The following RASGEF1A variants were observed in gnomAD, a reference collection of about 807,000 sequenced individuals.
RASGEF1A encodes ras-GEF domain-containing family member 1A.
In RASGEF1A, 18 loss-of-function variants were observed where a neutral mutation model predicts 56.4. That is an observed-to-expected ratio of 0.32 (90% CI 0.22 to 0.47). RASGEF1A has a LOEUF of 0.47. Ranked by LOEUF, RASGEF1A falls within the 20% of genes least tolerant of loss-of-function variation. The pLI, the probability that RASGEF1A is intolerant of heterozygous loss-of-function variation, is 1.00. For missense variants in RASGEF1A, 422 were observed against 627.1 expected, an observed-to-expected ratio of 0.67 and a Z score of 3.49; for synonymous variants, 245 against 242.6, an observed-to-expected ratio of 1.01 and a Z score of -0.09.
chr10:43,229,520 C>A, intron 1 of RASGEF1A: 1 of 826,482 alleles, frequency 1.2e-6, no homozygotes, highest in Non-Finnish European at 1.8e-6. Context: ...CGCGGGTCCT[C>A]AGGGCGGGCA....
intron 1 of RASGEF1A, chr10:43,209,319 G>T: frequency 1.6e-6 from 1 of 640,534 alleles, no homozygotes; most frequent in Non-Finnish European, 1.9e-6. Flanking sequence ...GTGAGTACCT[G>T]CCCCAGGTCA....
chr10:43,224,292 A>G (rs1260871552), intron 1 of RASGEF1A, among the ~76,000 whole-genome samples: 4 of 133,706 alleles, frequency 3.0e-5, no homozygotes, highest in Non-Finnish European at 4.5e-5. Flanking sequence ...AATGTGACAA[A>G]TATGTCTCCT....
At chr10:43,245,135 G>C (rs1205523438) in intron 1 of RASGEF1A, among the ~76,000 whole-genome samples, 1 of 152,084 alleles carries the variant, frequency 6.6e-6, no homozygotes, top group African/African-American at 2.4e-5. Flanking sequence ...CAGCTTTACA[G>C]AAATAAAAAG....
At chr10:43,242,689 C>T (rs913703948) in intron 1 of RASGEF1A, among the ~76,000 whole-genome samples, 1 of 152,226 alleles carries the variant, frequency 6.6e-6, no homozygotes, top group Non-Finnish European at 1.5e-5. Context: ...CGCGCCGCCA[C>T]TCTTGACTGG....
intron 1 of RASGEF1A, among the ~76,000 whole-genome samples, chr10:43,237,078 G>A (rs1840439688): frequency 1.3e-5 from 2 of 152,124 alleles, no homozygotes; most frequent in Admixed American, 1.3e-4. Context: ...GCCTTATAGA[G>A]GGTCTTGGGA....
intron 1 of RASGEF1A, among the ~76,000 whole-genome samples, chr10:43,237,329 G>C (rs1840442724): frequency 6.6e-6 from 1 of 151,966 alleles, no homozygotes; most frequent in South Asian, 2.1e-4. Context: ...GAGGCTCCTA[G>C]TCTGTTCTCC....
At chr10:43,258,751 C>T (rs758739841) in intron 1 of RASGEF1A, among the ~76,000 whole-genome samples, 2 of 152,274 alleles carry the variant, frequency 1.3e-5, no homozygotes, top group Non-Finnish European at 2.9e-5. Context: ...CATCCACCCA[C>T]TCAGCACAGC....
intron 1 of RASGEF1A, among the ~76,000 whole-genome samples, chr10:43,238,282 G>C (rs1052020704): frequency 6.6e-6 from 1 of 151,982 alleles, no homozygotes. Flanking sequence ...TGCCTTCGGG[G>C]GTGTTGTATC....
rs76019957 is a variant in RASGEF1A, at chr10:43,251,621, G to A, written c.-7+15224C>T. The stretch of plus-strand genomic sequence containing the variant: ...AGCCCACACCACCTCACCTCCAGAC[G>A]CAGTCAGGGGTGGCACAGTCCTGTT... On this transcript the variant is annotated intron_variant, in intron 1 of 12. Coordinates refer to ENST00000395810, the MANE Select transcript of RASGEF1A (RefSeq NM_145313.4). Among the ~76,000 whole-genome samples, 1,250 of 152,284 alleles carry A rather than the reference G, an allele frequency of 8.2e-3. 51 individuals carry two copies. In the East Asian group the frequency reaches 0.095, roughly 12 times the overall value.
At chr10:43,253,840 G>A (rs77170009) in intron 1 of RASGEF1A, among the ~76,000 whole-genome samples, 6,817 of 152,360 alleles carry the variant, frequency 0.045, 177 homozygotes, top group South Asian at 0.088. Context: ...AGCATGTGGT[G>A]CGGAAGCAGC....
At chr10:43,243,368 G>C (rs1329154109) in intron 1 of RASGEF1A, among the ~76,000 whole-genome samples, 1 of 149,676 alleles carries the variant, frequency 6.7e-6, no homozygotes, top group Non-Finnish European at 1.5e-5. Context: ...CCTCTGCCCA[G>C]CTGCCCCGTC....
Position 43,237,213 on chromosome 10 carries a change from G to T in RASGEF1A, c.-7+29632C>A, listed in dbSNP as rs151179221. On this transcript the variant is annotated intron_variant, in intron 1 of 12. Transcript: ENST00000395810. ...TGTGAGGGGGTCTTGGGGCCAGCCTGCTCTATGGAAATTGGAGGCACCAGT... is the reference window on the plus strand; with the variant it reads ...TGTGAGGGGGTCTTGGGGCCAGCCTTCTCTATGGAAATTGGAGGCACCAGT... 5.7e-4 allele frequency among the ~76,000 whole-genome samples: 87 copies of T among 152,214 alleles called. 1 individual carries two copies. Among genetic ancestry groups the T allele is most frequent in the Middle Eastern group, 3.4e-3 (1 of 294 alleles).
At position 43,197,862 on chromosome 10, in the gene RASGEF1A, T is replaced by C. The variant is rs1479098077; in HGVS notation, c.1224+142A>G. On this transcript the variant is annotated intron_variant, in intron 10 of 12. Transcript: ENST00000395810. Reference sequence around the variant, plus strand: ...TCAAACAGCACCCCGTGACCCACTATGAGGCTTTCAGTCTTGAAGGCCCTT... The same window carrying C: ...TCAAACAGCACCCCGTGACCCACTACGAGGCTTTCAGTCTTGAAGGCCCTT... 3 of 671,732 alleles carry C rather than the reference T, an allele frequency of 4.5e-6. No individual in the cohort carries two copies. The African/African-American group carries it at 5.4e-5, about 12-fold the overall frequency. 41.6% of individuals were successfully genotyped at this position (671,732 alleles called of 1,614,324 possible).
At position 43,205,855 on chromosome 10, in the gene RASGEF1A, C is replaced by T. The variant is rs1320298845; in HGVS notation, c.198+64G>A. 3 of 1,384,878 alleles carry T rather than the reference C, an allele frequency of 2.2e-6. No individual in the cohort carries two copies. The Admixed American group carries it at 5.4e-5, about 25-fold the overall frequency. The allele number at this position is 1,384,878 out of a possible 1,614,324, so 85.8% of individuals were successfully genotyped here. On this transcript the variant is annotated intron_variant, in intron 2 of 12. Transcript: ENST00000395810. The stretch of plus-strand genomic sequence containing the variant: ...ACTCTGTGGGGGCCTCCCTCCCACA[C>T]CCGACATCTCCTGGAGCCCAGGTCA...
intron 2 of RASGEF1A, among the ~76,000 whole-genome samples, chr10:43,205,303 G>A (rs1300812781): frequency 6.6e-6 from 1 of 152,196 alleles, no homozygotes; most frequent in Non-Finnish European, 1.5e-5. Context: ...CCTCCAGGGG[G>A]AGGGAAGGCA....
intron 1 of RASGEF1A, among the ~76,000 whole-genome samples, chr10:43,252,911 C>T (rs1399805937): frequency 6.6e-5 from 10 of 152,222 alleles, no homozygotes; most frequent in African/African-American, 1.9e-4. Flanking sequence ...TGGCACTCAT[C>T]GTCCGCACCC....
chr10:43,209,836 T>C (rs928854160), intron 1 of RASGEF1A, among the ~76,000 whole-genome samples: 4 of 152,120 alleles, frequency 2.6e-5, no homozygotes, highest in African/African-American at 9.7e-5. Context: ...CCTGCATGGA[T>C]GCTCTAAGGC....
chr10:43,264,160 G>A (rs1251334545), intron 1 of RASGEF1A, among the ~76,000 whole-genome samples: 5 of 151,942 alleles, frequency 3.3e-5, no homozygotes, highest in Non-Finnish European at 7.4e-5. Context: ...CCCTGCTCCC[G>A]GGCTGCTAGC....
intron 1 of RASGEF1A, among the ~76,000 whole-genome samples, chr10:43,228,909 T>C (rs1840319388): frequency 6.6e-6 from 1 of 152,234 alleles, no homozygotes; most frequent in Non-Finnish European, 1.5e-5. Context: ...GAGTCCTGCA[T>C]CTTTCACGTG....
Sources: gnomAD v4.1 joint callset for allele counts (sites outside exome capture counted in the v4.1 genomes callset) on GRCh38, gnomAD v4.1.1 for gene constraint, MANE v1.5 for transcripts, NCBI Gene and HGNC (gene_info 2026-07-23, HGNC 2026-07-21) for gene names.